Variants in RGS7 observed in about 807,000 individuals in gnomAD.
RGS7 encodes the protein regulator of G protein signaling 7.
RGS7 carries 27 observed loss-of-function variants against 81.1 expected under a neutral mutation model. The observed-to-expected ratio is 0.33, with a 90% CI of 0.25 to 0.46. RGS7 has a LOEUF of 0.46. Ranked by LOEUF, RGS7 falls within the 20% of genes least tolerant of loss-of-function variation. The probability of loss-of-function intolerance (pLI) is 1.00; values close to 1 mark genes in which losing one functional copy is unlikely to be tolerated. For synonymous variants in RGS7, 208 were observed against 207.7 expected (o/e 1.00, Z -0.01); for missense variants, 396 against 607.4 (o/e 0.65, Z 3.66).
chr1:241,234,426 C>T (rs142341272), intron 2 of RGS7, among the ~76,000 whole-genome samples: 2 of 152,298 alleles, frequency 1.3e-5, no homozygotes, highest in African/African-American at 4.8e-5. Context: ...TCGGGCAGCT[C>T]CCAGAAACCT....
chr1:241,352,153 CG>C (rs1423346326), intron 2 of RGS7, among the ~76,000 whole-genome samples: 2 of 152,254 alleles, frequency 1.3e-5, no homozygotes, highest in Admixed American at 1.3e-4. Context: ...CGACCAAAAA[CG>C]GGGGTAGTGT....
At chr1:241,223,926 A>G (rs945882518) in intron 2 of RGS7, among the ~76,000 whole-genome samples, 2 of 151,848 alleles carry the variant, frequency 1.3e-5, no homozygotes, top group Non-Finnish European at 2.9e-5. Flanking sequence ...GGTTCTGCAC[A>G]AGATAGGAAT....
intron 4 of RGS7, among the ~76,000 whole-genome samples, chr1:240,966,583 AT>A (rs1485533355): frequency 6.6e-6 from 1 of 152,166 alleles, no homozygotes; most frequent in Non-Finnish European, 1.5e-5. Context: ...CATAAAACTC[AT>A]TTTCTATGGA....
chr1:241,251,829 G>A (rs2076842239), intron 2 of RGS7, among the ~76,000 whole-genome samples: 1 of 151,908 alleles, frequency 6.6e-6, no homozygotes, highest in African/African-American at 2.4e-5. Context: ...TCAAGAATGT[G>A]TACTCAAGGT....
At chr1:241,090,045 A>C (rs938878510) in intron 3 of RGS7, among the ~76,000 whole-genome samples, 3 of 150,738 alleles carry the variant, frequency 2.0e-5, no homozygotes, top group Non-Finnish European at 4.4e-5. Flanking sequence ...TTTTTCTTCC[A>C]TAGGGATCTT....
chr1:240,997,796 C>T (rs1276988074), intron 3 of RGS7, among the ~76,000 whole-genome samples: 1 of 152,212 alleles, frequency 6.6e-6, no homozygotes, highest in African/African-American at 2.4e-5. Context: ...TGCACTCCAG[C>T]CTGGGCAACA....
At chr1:240,964,421 A>C (rs1681965810) in intron 4 of RGS7, among the ~76,000 whole-genome samples, 1 of 152,114 alleles carries the variant, frequency 6.6e-6, no homozygotes, top group South Asian at 2.1e-4. Flanking sequence ...CGACGTGCAG[A>C]ATTTCAGATA....
At chr1:240,954,986 AT>A (rs1376899100) in intron 4 of RGS7, among the ~76,000 whole-genome samples, 1 of 152,224 alleles carries the variant, frequency 6.6e-6, no homozygotes, top group East Asian at 1.9e-4. Flanking sequence ...TAACAATGCC[AT>A]TCACAATAGC....
chr1:240,837,714 G>A (rs1694945746), intron 9 of RGS7, among the ~76,000 whole-genome samples: 1 of 152,156 alleles, frequency 6.6e-6, no homozygotes, highest in East Asian at 1.9e-4. Flanking sequence ...GTGCCAAAAA[G>A]TAGGAAAATG....
intron 2 of RGS7, among the ~76,000 whole-genome samples, chr1:241,252,898 G>T (rs1435134546): frequency 1.3e-5 from 2 of 152,118 alleles, no homozygotes; most frequent in Non-Finnish European, 2.9e-5. Context: ...CTTATCCTCG[G>T]ACTTGCTTCT....
At chr1:241,303,257 C>T (rs2079882381) in intron 2 of RGS7, among the ~76,000 whole-genome samples, 1 of 151,976 alleles carries the variant, frequency 6.6e-6, no homozygotes, top group African/African-American at 2.4e-5. Flanking sequence ...TGAGTGAGTC[C>T]CCATGAAATC....
intron 2 of RGS7, among the ~76,000 whole-genome samples, chr1:241,275,282 G>A (rs1360131685): frequency 6.6e-6 from 1 of 152,086 alleles, no homozygotes. Flanking sequence ...AAAACATGGT[G>A]GAGTACCTAC....
At chr1:241,292,320 C>G (rs183747538) in intron 2 of RGS7, among the ~76,000 whole-genome samples, 3 of 152,172 alleles carry the variant, frequency 2.0e-5, no homozygotes, top group Admixed American at 6.5e-5. Flanking sequence ...GTATTATGTA[C>G]TGTATGTAAT....
At chr1:240,799,644 C>T (rs1392677104) in intron 18 of RGS7, among the ~76,000 whole-genome samples, 3 of 152,038 alleles carry the variant, frequency 2.0e-5, no homozygotes, top group East Asian at 3.9e-4. Flanking sequence ...AATACACTAA[C>T]ACTAATGACG....
At chr1:240,844,217 A>C (rs1658639279) in intron 9 of RGS7, among the ~76,000 whole-genome samples, 1 of 152,154 alleles carries the variant, frequency 6.6e-6, no homozygotes, top group Non-Finnish European at 1.5e-5. Context: ...ACAGAAATTC[A>C]GCTATAGTAG....
chr1:241,164,427 G>C lies in RGS7; in HGVS notation c.79-65665C>G, dbSNP rs527385756. ...CCAATCATGCATTGGTCTTTTCAGC[G>C]TCCGGTCCCCATCCTGAAGCCACCT... On this transcript the variant is annotated intron_variant, in intron 2 of 18. Coordinates refer to ENST00000440928, the MANE Select transcript of RGS7 (RefSeq NM_001364886.1). This position sits in a 1 kb window ranked among gnomAD's most constrained non-coding sequence, Gnocchi z 4.1. Among the ~76,000 whole-genome samples the C allele has an allele frequency of 2.6e-5, 4 of 151,944 alleles. No individual in the cohort carries two copies. Among genetic ancestry groups the C allele is most frequent in the Non-Finnish European group, 4.4e-5 (3 of 68,000 alleles).
intron 7 of RGS7, among the ~76,000 whole-genome samples, chr1:240,869,706 G>A (rs1664128378): frequency 6.6e-6 from 1 of 152,160 alleles, no homozygotes; most frequent in African/African-American, 2.4e-5. Context: ...TTAGGAGGCT[G>A]AGGCGGGTAG....
intron 2 of RGS7, among the ~76,000 whole-genome samples, chr1:241,317,139 T>G (rs2080926838): frequency 6.6e-6 from 1 of 152,158 alleles, no homozygotes; most frequent in South Asian, 2.1e-4. Flanking sequence ...CAATGTTTGA[T>G]ATGGAGCCCA....
intron 4 of RGS7, among the ~76,000 whole-genome samples, chr1:240,965,964 A>G (rs2148490378): frequency 6.6e-6 from 1 of 152,248 alleles, no homozygotes; most frequent in South Asian, 2.1e-4. Context: ...GGCAGTGGAA[A>G]TTTACCTATT....
Sources: allele counts gnomAD v4.1 joint callset (sites outside exome capture counted in the v4.1 genomes callset), GRCh38; gene constraint gnomAD v4.1.1; non-coding constraint Gnocchi (gnomAD v3.1); transcripts MANE v1.5; gene names NCBI Gene and HGNC (gene_info 2026-07-23, HGNC 2026-07-21).